The following IL20RA variants were observed in gnomAD, a reference collection of about 807,000 sequenced individuals.
IL20RA encodes the protein interleukin 20 receptor subunit alpha, also known as interleukin-20 receptor subunit alpha.
A neutral mutation model predicts 36.5 loss-of-function variants in IL20RA; 29 were observed. The ratio of observed to expected loss-of-function variants is 0.79; its 90% CI spans 0.59 to 1.08. The LOEUF (loss-of-function observed/expected upper bound fraction) is 1.08. IL20RA is among the 50% of genes least tolerant of loss of function. The pLI is 0.00. For missense variants in IL20RA, 652 were observed against 668.4 expected, an observed-to-expected ratio of 0.98 and a Z score of 0.27; for synonymous variants, 279 against 267.1, an observed-to-expected ratio of 1.04 and a Z score of -0.43.
Position 137,003,171 on chromosome 6 carries a change from C to T in IL20RA, c.865-816G>A, listed in dbSNP as rs1047137218. 5.9e-5 allele frequency among the ~76,000 whole-genome samples: 9 copies of T among 152,184 alleles called. No individual in the cohort carries two copies. In the East Asian group the frequency reaches 1.3e-3, roughly 23 times the overall value. Reference sequence around the variant, plus strand: ...AAAAAATCACAGGTGGTCAATTCTCCTGTGAATGTTCCTTCCAGAAAAGGT... The same window carrying T: ...AAAAAATCACAGGTGGTCAATTCTCTTGTGAATGTTCCTTCCAGAAAAGGT... On this transcript the variant is annotated intron_variant, in intron 6 of 6. Coordinates refer to ENST00000316649, the MANE Select transcript of IL20RA (RefSeq NM_014432.4).
intron 1 of IL20RA, among the ~76,000 whole-genome samples, chr6:137,020,246 C>T (rs276476): frequency 0.82 from 124,748 of 152,144 alleles, 56,546 homozygotes; most frequent in East Asian, 1. Context: ...GTGGATCCTC[C>T]GACCCCAGTC....
At chr6:137,006,851 G>A (rs1775301608) in intron 5 of IL20RA, among the ~76,000 whole-genome samples, 1 of 151,870 alleles carries the variant, frequency 6.6e-6, no homozygotes, top group South Asian at 2.1e-4. Context: ...AGCTTCCCAA[G>A]TAGCTTGGAC....
intron 1 of IL20RA, among the ~76,000 whole-genome samples, chr6:137,043,243 G>A (rs1049378102): frequency 6.6e-6 from 1 of 152,018 alleles, no homozygotes; most frequent in Non-Finnish European, 1.5e-5. Context: ...TTGCCACCAC[G>A]TCTGGCTAGT....
intron 1 of IL20RA, among the ~76,000 whole-genome samples, chr6:137,040,047 C>T (rs932659764): frequency 1.3e-5 from 2 of 152,068 alleles, no homozygotes; most frequent in Non-Finnish European, 2.9e-5. Flanking sequence ...TACATAAAGG[C>T]TATAATTTAG....
chr6:137,021,019 A>G (rs1219292270), intron 1 of IL20RA, among the ~76,000 whole-genome samples: 1 of 150,708 alleles, frequency 6.6e-6, no homozygotes, highest in African/African-American at 2.4e-5. Flanking sequence ...TATTCCTGTT[A>G]TGACATGGTC....
At chr6:137,004,843 C>T (rs892416336) in intron 5 of IL20RA, 83 bp from the exon 6 acceptor site, 35 of 1,273,132 alleles carry the variant, frequency 2.7e-5, no homozygotes, top group Middle Eastern at 2.7e-4. Flanking sequence ...AACCTCGTAT[C>T]GTTAAGCTGC....
At chr6:137,010,210 C>T (rs981941186) in intron 3 of IL20RA, among the ~76,000 whole-genome samples, 8 of 152,164 alleles carry the variant, frequency 5.3e-5, no homozygotes, top group East Asian at 3.8e-4. Flanking sequence ...AGAGACCAGG[C>T]GACTTTTATC....
intron 1 of IL20RA, among the ~76,000 whole-genome samples, chr6:137,024,138 T>G (rs1776006628): frequency 6.6e-6 from 1 of 152,066 alleles, no homozygotes; most frequent in Non-Finnish European, 1.5e-5. Context: ...CACTTTTATT[T>G]AAAGGAAAAG....
chr6:137,010,248 G>A (rs1474725061), intron 3 of IL20RA, among the ~76,000 whole-genome samples: 3 of 152,194 alleles, frequency 2.0e-5, no homozygotes, highest in Non-Finnish European at 4.4e-5. Context: ...AAATATTTCA[G>A]GCATCGCAGG....
intron 3 of IL20RA, among the ~76,000 whole-genome samples, chr6:137,010,979 G>T (rs899647587): frequency 4.6e-5 from 7 of 152,080 alleles, no homozygotes; most frequent in Non-Finnish European, 7.4e-5. Context: ...GCTTATGCCT[G>T]TAACCCTAAC....
chr6:137,037,794 A>T (rs1316667927), intron 1 of IL20RA: 1 of 152,280 alleles, frequency 6.6e-6, no homozygotes, highest in East Asian at 1.9e-4. Flanking sequence ...GAGAGGAAAG[A>T]AGACACAGAG....
intron 1 of IL20RA, among the ~76,000 whole-genome samples, chr6:137,032,167 A>G (rs559353082): frequency 6.6e-6 from 1 of 152,234 alleles, no homozygotes; most frequent in South Asian, 2.1e-4. Context: ...GTGTTGTTGC[A>G]TAGGTGGTAA....
At chr6:137,031,194 A>G (rs986768090) in intron 1 of IL20RA, among the ~76,000 whole-genome samples, 16 of 152,284 alleles carry the variant, frequency 1.1e-4, no homozygotes, top group Admixed American at 9.8e-4. Context: ...AGCACATCCA[A>G]TTCGCTCACC....
intron 1 of IL20RA, among the ~76,000 whole-genome samples, chr6:137,024,440 G>A (rs1776014325): frequency 6.6e-6 from 1 of 152,124 alleles, no homozygotes; most frequent in Admixed American, 6.5e-5. Context: ...TGGTCTGGAA[G>A]CATGGCTCTG....
At chr6:137,040,772 T>C (rs1247809153) in intron 1 of IL20RA, among the ~76,000 whole-genome samples, 1 of 152,018 alleles carries the variant, frequency 6.6e-6, no homozygotes, top group Non-Finnish European at 1.5e-5. Context: ...AATGAATAAA[T>C]GTGGAAAAAA....
intron 2 of IL20RA, among the ~76,000 whole-genome samples, chr6:137,015,237 A>G (rs962803085): frequency 2.0e-5 from 3 of 152,166 alleles, no homozygotes; most frequent in African/African-American, 7.2e-5. Context: ...CTGTTCAACC[A>G]TTACTATCAC....
chr6:137,028,011 C>T (rs1412604586), intron 1 of IL20RA, among the ~76,000 whole-genome samples: 1 of 152,230 alleles, frequency 6.6e-6, no homozygotes, highest in African/African-American at 2.4e-5. Flanking sequence ...TTCTTTTAAG[C>T]TTTTCCTGGT....
At chr6:137,023,360 T>C (rs1221023999) in intron 1 of IL20RA, among the ~76,000 whole-genome samples, 1 of 152,032 alleles carries the variant, frequency 6.6e-6, no homozygotes, top group Non-Finnish European at 1.5e-5. Flanking sequence ...GTGGCCAAGA[T>C]GAAATCTAAG....
chr6:137,028,600 T>C (rs1457289405), intron 1 of IL20RA, among the ~76,000 whole-genome samples: 1 of 152,190 alleles, frequency 6.6e-6, no homozygotes, highest in Non-Finnish European at 1.5e-5. Flanking sequence ...CACACCTCAG[T>C]AAGTAAATCT....
Sources: allele counts gnomAD v4.1 joint callset (sites outside exome capture counted in the v4.1 genomes callset), GRCh38; gene constraint gnomAD v4.1.1; transcripts MANE v1.5; gene names NCBI Gene and HGNC (gene_info 2026-07-23, HGNC 2026-07-21).